Variants in TTLL7 observed in about 807,000 individuals in gnomAD.
The protein encoded by TTLL7 is tubulin polyglutamylase TTLL7.
A neutral mutation model predicts 120.2 loss-of-function variants in TTLL7; 53 were observed. The observed-to-expected ratio is 0.44, with a 90% confidence interval of 0.35 to 0.55. The LOEUF is 0.55. Among genes scored for constraint, TTLL7 ranks in the 20% least tolerant of loss-of-function variants. The probability of loss-of-function intolerance (pLI) is 0.00; values close to 1 mark genes in which losing one functional copy is unlikely to be tolerated. For missense variants in TTLL7, 803 were observed against 1,054.7 expected (o/e 0.76, Z 3.31); for synonymous variants, 353 against 351.7 (o/e 1.00, Z -0.04).
intron 3 of TTLL7, 55 bp downstream of exon 3, chr1:83,951,790 A>C: frequency 6.4e-7 from 1 of 1,552,974 alleles, no homozygotes; most frequent in Non-Finnish European, 8.7e-7. Context: ...TTTAACACCA[A>C]ATCAGTTTTT....
intron 20 of TTLL7, among the ~76,000 whole-genome samples, chr1:83,876,516 T>C (rs1417359633): frequency 2.6e-5 from 4 of 151,948 alleles, no homozygotes; most frequent in Admixed American, 6.6e-5. Context: ...TAGAATTACA[T>C]TGAATTTACA....
intron 19 of TTLL7, 143 bp from the exon 20 acceptor site, chr1:83,883,279 T>C (rs2100711002): frequency 1.8e-6 from 1 of 559,466 alleles, no homozygotes. Flanking sequence ...TTTAAAGATA[T>C]ATAATAAATA....
At chr1:83,931,659 G>A (rs1659607335) in intron 9 of TTLL7, among the ~76,000 whole-genome samples, 1 of 120,312 alleles carries the variant, frequency 8.3e-6, no homozygotes, top group African/African-American at 2.6e-5. Flanking sequence ...TAACTTAGTA[G>A]GTTCCTGTTT....
intron 14 of TTLL7, among the ~76,000 whole-genome samples, chr1:83,915,908 C>G (rs1658115371): frequency 6.6e-6 from 1 of 152,168 alleles, no homozygotes; most frequent in Admixed American, 6.5e-5. Context: ...CATCACTGAC[C>G]ATCAGAGAAA....
rs144478321 is a variant in TTLL7, at chr1:83,937,710, A to G, written c.888+142T>C. ...TTGTTAGGCAGCGTGTGGCTGTGTA[A>G]TGATCTGATTTTTTTCTCTCTGGTC... On this transcript the variant is annotated intron_variant, in intron 8 of 20. Transcript: ENST00000260505. 375 of 866,154 alleles carry G rather than the reference A, an allele frequency of 4.3e-4. 1 individual carries two copies. The African/African-American group carries it at 5.6e-3, about 13-fold the overall frequency. 53.7% of individuals were successfully genotyped at this position (866,154 alleles called of 1,614,324 possible).
At chr1:83,948,975 C>A in intron 4 of TTLL7, 1 of 247,030 alleles carries the variant, frequency 4.0e-6, no homozygotes, top group Non-Finnish European at 7.7e-6. Context: ...ATTCAATATC[C>A]AAATTACTTT....
chr1:83,930,076 T>G (rs1184915526), intron 9 of TTLL7, among the ~76,000 whole-genome samples: 1 of 152,070 alleles, frequency 6.6e-6, no homozygotes, highest in Non-Finnish European at 1.5e-5. Flanking sequence ...TAGAAATGTG[T>G]CACAGGTTCA....
chr1:83,914,229 T>G (rs1218410957), intron 14 of TTLL7, among the ~76,000 whole-genome samples: 1 of 152,028 alleles, frequency 6.6e-6, no homozygotes, highest in Non-Finnish European at 1.5e-5. Flanking sequence ...TACCAAACTT[T>G]TCATGTTTCT....
At chr1:83,910,575 G>A (rs1657591182) in intron 15 of TTLL7, among the ~76,000 whole-genome samples, 1 of 151,990 alleles carries the variant, frequency 6.6e-6, no homozygotes, top group Admixed American at 6.6e-5. Flanking sequence ...CAGAAGGAGA[G>A]AAAAGGAAGC....
chr1:83,973,803 C>T (rs1268644256), intron 1 of TTLL7, among the ~76,000 whole-genome samples: 2 of 151,982 alleles, frequency 1.3e-5, no homozygotes, highest in South Asian at 2.1e-4. Context: ...TTCATTTACA[C>T]GAGGTTAAAA....
Position 83,942,698 on chromosome 1 carries a change from A to G in TTLL7, c.507-19T>C, listed in dbSNP as rs777332420. 1.3e-6 allele frequency: 2 copies of G among 1,561,738 alleles called. No individual in the cohort carries two copies. Among genetic ancestry groups the G allele is most frequent in the African/African-American group, 1.4e-5 (1 of 73,260 alleles). ...AGAAATCCTATGTTTAAAGAAAAAA[A>G]TTAAAAGAATGATTTGACATAGAGC... On this transcript the variant is annotated intron_variant, in intron 6 of 20. Coordinates refer to ENST00000260505, the MANE Select transcript of TTLL7 (RefSeq NM_024686.6).
Position 83,999,082 on chromosome 1 carries a change from C to T in TTLL7, c.-328G>A. 1 of 445,190 alleles carries T rather than the reference C, an allele frequency of 2.2e-6. No individual in the cohort carries two copies. The highest frequency in any genetic ancestry group is 4.5e-6 in the Non-Finnish European group (1 of 223,876). The allele number at this position is 445,190 out of a possible 1,614,324, so 27.6% of individuals were successfully genotyped here. ...TGCTCTCCTCCGCCCGCCCACCGCCCGTGGCAGCCACGGCTCGGGACTCCG... is the reference window on the plus strand; with the variant it reads ...TGCTCTCCTCCGCCCGCCCACCGCCTGTGGCAGCCACGGCTCGGGACTCCG... On this transcript the variant is annotated 5_prime_UTR_variant, in exon 1 of 21. Transcript: ENST00000260505.
intron 9 of TTLL7, among the ~76,000 whole-genome samples, chr1:83,930,354 A>G (rs938484782): frequency 5.3e-5 from 8 of 152,112 alleles, no homozygotes; most frequent in African/African-American, 1.9e-4. Flanking sequence ...TACTCCTTTT[A>G]TAGAGATATG....
chr1:83,887,215 G>A, intron 19 of TTLL7: 1 of 1,166,176 alleles, frequency 8.6e-7, no homozygotes, highest in South Asian at 1.7e-5. Context: ...GCAAAGGCAA[G>A]AATCAAGGCC....
chr1:83,913,367 C>A (rs1657838793), intron 14 of TTLL7, among the ~76,000 whole-genome samples: 1 of 152,190 alleles, frequency 6.6e-6, no homozygotes, highest in African/African-American at 2.4e-5. Flanking sequence ...ATTACTTTTG[C>A]ACCAACCTAA....
chr1:83,911,093 C>G, intron 15 of TTLL7, 72 bp downstream of exon 15: 2 of 1,348,494 alleles, frequency 1.5e-6, no homozygotes, highest in Non-Finnish European at 2.1e-6. Flanking sequence ...GCCCAAGGAC[C>G]TTTTACTGAG....
chr1:83,964,735 A>C (rs988512643), intron 1 of TTLL7, among the ~76,000 whole-genome samples: 1 of 152,190 alleles, frequency 6.6e-6, no homozygotes, highest in African/African-American at 2.4e-5. Flanking sequence ...AAACATACTG[A>C]CACTGATCAT....
chr1:83,882,890 C>T (rs1654639574), intron 20 of TTLL7, 73 bp downstream of exon 20: 1 of 1,526,350 alleles, frequency 6.6e-7, no homozygotes, highest in African/African-American at 1.4e-5. Context: ...CAAAAAAACA[C>T]TGTCAATTTC....
intron 9 of TTLL7, among the ~76,000 whole-genome samples, chr1:83,931,673 T>A (rs143946635): frequency 2.1e-5 from 3 of 140,244 alleles, no homozygotes; most frequent in Non-Finnish European, 4.8e-5. Context: ...CCTGTTTAAT[T>A]TAAGAGTACT....
Sources: gnomAD v4.1 joint callset for allele counts (sites outside exome capture counted in the v4.1 genomes callset) on GRCh38, gnomAD v4.1.1 for gene constraint, MANE v1.5 for transcripts, NCBI Gene and HGNC (gene_info 2026-07-23, HGNC 2026-07-21) for gene names.